CNGA2: variants seen among roughly 807,000 people sequenced by gnomAD.
The protein encoded by CNGA2 is cyclic nucleotide-gated channel alpha-2.
CNGA2 carries 22 observed loss-of-function variants against 35.9 expected under a neutral mutation model. That is an observed-to-expected ratio of 0.61 (90% CI 0.44 to 0.88). The LOEUF (loss-of-function observed/expected upper bound fraction) is 0.88, where lower values mean the gene tolerates loss of function less well. CNGA2 is among the 40% of genes least tolerant of loss of function. The pLI, the probability that CNGA2 is intolerant of heterozygous loss-of-function variation, is 0.00. For missense variants in CNGA2, 555 were observed against 530.8 expected (o/e 1.05, Z -0.45); for synonymous variants, 217 against 209.2 (o/e 1.04, Z -0.32).
intron 6 of CNGA2, 44 bp from the exon 7 acceptor site, chrX:151,743,042 ATATATAT>A: frequency 1.9e-6 from 1 of 521,550 alleles, no homozygotes; most frequent in Non-Finnish European, 3.1e-6. Flanking sequence ...ATATATATGT[ATATATAT>A]ACCCTGAGGG....
intron 5 of CNGA2, among the ~76,000 whole-genome samples, chrX:151,741,317 A>G (rs2015303396): frequency 8.9e-6 from 1 of 111,977 alleles, no homozygotes; most frequent in Non-Finnish European, 1.9e-5. Flanking sequence ...TTGGATCAGA[A>G]CATGCTGTTT....
At chrX:151,740,732 G>A in intron 4 of CNGA2, 62 bp from the exon 5 acceptor site, 1 of 896,413 alleles carries the variant, frequency 1.1e-6, no homozygotes, top group Non-Finnish European at 1.6e-6. Flanking sequence ...GTTTCTGGGA[G>A]CTGGGGTGCT....
chrX:151,742,940 ATGTATATG>A (rs1340450362), intron 6 of CNGA2, among the ~76,000 whole-genome samples, 145 bp from the exon 7 acceptor site: 30 of 74,674 alleles, frequency 4.0e-4, no homozygotes, highest in African/African-American at 1.5e-3. Flanking sequence ...ATATATATAT[ATGTATATG>A]TATATATATA....
At chrX:151,742,401 G>T in intron 5 of CNGA2, 135 bp from the exon 6 acceptor site, 1 of 460,353 alleles carries the variant, frequency 2.2e-6, no homozygotes. Flanking sequence ...ATATCTCTTG[G>T]CATCAGGCTG....
intron 5 of CNGA2, among the ~76,000 whole-genome samples, chrX:151,741,597 G>T (rs746395861): frequency 8.9e-6 from 1 of 112,226 alleles, no homozygotes; most frequent in South Asian, 3.8e-4. Context: ...CTGTAAACCT[G>T]AAATGAAACA....
At position 151,738,500 on chromosome X, in the gene CNGA2, A is replaced by G. The variant is rs1343376012; in HGVS notation, c.17A>G (p.Asn6Ser). The change falls in exon 2 of 7, where the codon AAT (asparagine) becomes AGT (serine). Residue 6 changes from asparagine (N) to serine (S), a missense_variant. Asn to Ser is a conservative substitution (Grantham distance 46). Coordinates refer to ENST00000329903, the MANE Select transcript of CNGA2 (RefSeq NM_005140.3). ...ACATGGAGGATGACCGAAAAAACCA[A>G]TGGTGTGAAGAGCTCCCCAGCCAAT... The part of the protein sequence containing the change: MTEKT[N>S]GVKSSPANNH... 1 of 1,210,857 alleles carries G rather than the reference A, an allele frequency of 8.3e-7. No homozygotes were observed. Among genetic ancestry groups the G allele is most frequent in the Admixed American group, 2.2e-5 (1 of 46,022 alleles).
Position 151,738,578 on chromosome X carries a change from A to G in CNGA2, c.95A>G (p.His32Arg). 1 of 1,209,108 alleles carries G rather than the reference A, an allele frequency of 8.3e-7. No homozygotes were observed. Among genetic ancestry groups the G allele is most frequent in the African/African-American group, 1.7e-5 (1 of 57,833 alleles). Residue 32 changes from histidine to arginine, a missense_variant, in exon 2 of 7, where the codon CAC becomes CGC. By Grantham distance (29) the His-to-Arg change is conservative (BLOSUM62 0). Coordinates refer to ENST00000329903, the MANE Select transcript of CNGA2 (RefSeq NM_005140.3). ...PAIKANGKDD[H>R]RTSSRPHSAA... ...ATCAAGGCCAATGGCAAAGATGACC[A>G]CAGGACAAGCAGCAGGTGAGTCTGC...
rs372801718 is a variant in CNGA2, at chrX:151,743,693, A to T, written c.1190A>T (p.Gln397Leu). 229 of 1,209,886 alleles carry T rather than the reference A, an allele frequency of 1.9e-4. No homozygotes were observed. The highest frequency in any genetic ancestry group is 2.4e-4 in the Non-Finnish European group (211 of 895,316). The change falls in exon 7 of 7, where the codon CAG (glutamine) becomes CTG (leucine). Residue 397 changes from glutamine to leucine, a missense_variant. Physicochemically the swap from Gln to Leu is moderately radical, Grantham distance 113. Transcript: ENST00000329903. ...ATCGATGCCGTGAAACACTACATGC[A>T]GTTCCGAAAGGTCAGCAAGGGGATG... ...AKIDAVKHYM[Q>L]FRKVSKGMEA...
intron 4 of CNGA2, 101 bp downstream of exon 4, chrX:151,739,833 G>T: frequency 1.1e-6 from 1 of 930,966 alleles, no homozygotes; most frequent in African/African-American, 1.9e-5. Flanking sequence ...GACAAGCCCT[G>T]CTGTAGTAAA....
rs2015349119 is a variant in CNGA2 at position 151,744,149 on chromosome X, T to C, written c.1646T>C (p.Phe549Ser). 1.7e-6 allele frequency: 2 copies of C among 1,207,822 alleles called. No homozygotes were observed. The highest frequency in any genetic ancestry group is 3.5e-5 in the African/African-American group (2 of 56,386). ...NIRSLGYSDL[F>S]CLSKDDLMEA... ...CGCAGCCTGGGCTACTCAGATCTCT[T>C]CTGCTTGTCCAAGGATGATCTTATG... The change falls in exon 7 of 7, where the codon TTC becomes TCC. Residue 549 changes from phenylalanine to serine, a missense_variant. Phe to Ser is a radical substitution (Grantham distance 155, BLOSUM62 -2). Coordinates refer to ENST00000329903, the MANE Select transcript of CNGA2 (RefSeq NM_005140.3).
At chrX:151,742,962 A>ATATATATATG (rs1297453466) in intron 6 of CNGA2, 131 bp from the exon 7 acceptor site, 2 of 73,928 alleles carry the variant, frequency 2.7e-5, no homozygotes, top group African/African-American at 1.5e-4. Context: ...ATATATATGT[A>ATATATATATG]TATATATATG....
At chrX:151,738,913 C>T in intron 3 of CNGA2, 34 bp downstream of exon 3, 2 of 1,089,212 alleles carry the variant, frequency 1.8e-6, no homozygotes, top group Non-Finnish European at 2.5e-6. Context: ...GCTTCCCCTT[C>T]CTGTGCATGG....
At chrX:151,740,658 G>A in intron 4 of CNGA2, 136 bp from the exon 5 acceptor site, 1 of 514,683 alleles carries the variant, frequency 1.9e-6, no homozygotes, top group Non-Finnish European at 3.4e-6. Context: ...GTGGCCCTCA[G>A]CCAACCCATC....
chrX:151,736,750 G>A (rs1456309021), intron 1 of CNGA2, among the ~76,000 whole-genome samples: 1 of 110,600 alleles, frequency 9.0e-6, no homozygotes, highest in Non-Finnish European at 1.9e-5. Flanking sequence ...TCATGGGGTG[G>A]GGGAATCTGC....
chrX:151,735,224 T>G (rs1220858177), intron 1 of CNGA2, among the ~76,000 whole-genome samples: 1 of 112,050 alleles, frequency 8.9e-6, no homozygotes, highest in Non-Finnish European at 1.9e-5. Context: ...TGCCTTACTC[T>G]AGGTTGTTAA....
At chrX:151,742,779 C>T in intron 6 of CNGA2, 137 bp downstream of exon 6, 1 of 440,229 alleles carries the variant, frequency 2.3e-6, no homozygotes, top group Non-Finnish European at 3.9e-6. Context: ...ACCTCATGGT[C>T]CCACATGCAT....
At chrX:151,739,380 G>GC (rs1371481240) in intron 3 of CNGA2, among the ~76,000 whole-genome samples, 182 bp from the exon 4 acceptor site, 2 of 112,434 alleles carry the variant, frequency 1.8e-5, no homozygotes, top group Non-Finnish European at 3.8e-5. Context: ...CTGAGCCCCA[G>GC]CCCCCTGCCC....
chrX:151,738,360 G>A (rs2015268434), intron 1 of CNGA2, 98 bp from the exon 2 acceptor site: 1 of 568,519 alleles, frequency 1.8e-6, no homozygotes, highest in African/African-American at 2.3e-5. Flanking sequence ...TGGCCAGGTG[G>A]GCCTGGGTTC....
At chrX:151,740,657 A>G (rs1378071545) in intron 4 of CNGA2, 137 bp from the exon 5 acceptor site, 9 of 510,518 alleles carry the variant, frequency 1.8e-5, no homozygotes, top group Non-Finnish European at 3.1e-5. Context: ...TGTGGCCCTC[A>G]GCCAACCCAT....
Sources: gnomAD v4.1 joint callset for allele counts (sites outside exome capture counted in the v4.1 genomes callset) on GRCh38, gnomAD v4.1.1 for gene constraint, MANE v1.5 for transcripts, NCBI Gene and HGNC (gene_info 2026-07-23, HGNC 2026-07-21) for gene names.